The following RBFOX1 variants were observed in gnomAD, a reference collection of about 807,000 sequenced individuals.
RBFOX1 encodes RNA binding fox-1 homolog 1, also known as RNA binding protein fox-1 homolog 1.
Under a neutral mutation model 57.7 loss-of-function variants are expected in RBFOX1, and 8 were observed. The observed-to-expected ratio is 0.14, with a 90% CI of 0.08 to 0.25. RBFOX1 has a LOEUF of 0.25. RBFOX1 is among the 10% of genes least tolerant of loss of function. The probability of loss-of-function intolerance (pLI) is 1.00; values close to 1 mark genes in which losing one functional copy is unlikely to be tolerated. For synonymous variants in RBFOX1, 326 were observed against 222.4 expected, an observed-to-expected ratio of 1.47 and a Z score of -4.15; for missense variants, 611 against 548.5, an observed-to-expected ratio of 1.11 and a Z score of -1.14.
intron 3 of RBFOX1, among the ~76,000 whole-genome samples, chr16:6,758,083 A>G (rs1402474115): frequency 6.6e-6 from 1 of 152,184 alleles, no homozygotes; most frequent in Non-Finnish European, 1.5e-5. Flanking sequence ...AAGGATCAGG[A>G]CACAGAAAGT....
chr16:5,441,310 C>T (rs185386717), intron 1 of RBFOX1, among the ~76,000 whole-genome samples: 449 of 151,224 alleles, frequency 3.0e-3, no homozygotes, highest in Non-Finnish European at 5.3e-3. Context: ...AGTCTGTTCT[C>T]ATGCTGCTAA....
intron 2 of RBFOX1, among the ~76,000 whole-genome samples, chr16:6,651,008 T>TCCC (rs2098587752): frequency 1.3e-5 from 2 of 152,196 alleles, no homozygotes; most frequent in Admixed American, 6.5e-5. Context: ...GTTCAAGTGA[T>TCCC]TCTCTTGTCT....
intron 4 of RBFOX1, among the ~76,000 whole-genome samples, chr16:7,115,553 G>A (rs12928584): frequency 6.6e-6 from 1 of 152,216 alleles, no homozygotes; most frequent in East Asian, 1.9e-4. Context: ...CCTTCACTGA[G>A]CTCTCTCACC....
chr16:6,510,245 C>T (rs1014303301), intron 2 of RBFOX1, among the ~76,000 whole-genome samples: 10 of 152,130 alleles, frequency 6.6e-5, no homozygotes, highest in Admixed American at 2.0e-4. Context: ...ACAGCCACAC[C>T]GGAACCATTA....
chr16:6,729,628 A>G (rs1212526568), intron 3 of RBFOX1, among the ~76,000 whole-genome samples: 3 of 152,174 alleles, frequency 2.0e-5, no homozygotes, highest in Non-Finnish European at 4.4e-5. Context: ...GGCTGTGTGT[A>G]GAAAGTACCT....
intron 2 of RBFOX1, among the ~76,000 whole-genome samples, chr16:6,412,734 G>C (rs146242383): frequency 6.6e-6 from 1 of 152,170 alleles, no homozygotes; most frequent in Admixed American, 6.5e-5. Context: ...TAATGGACAT[G>C]TGAAGCACTT....
At chr16:5,371,372 G>A (rs1157716103) in intron 1 of RBFOX1, among the ~76,000 whole-genome samples, 2 of 152,164 alleles carry the variant, frequency 1.3e-5, no homozygotes, top group East Asian at 3.9e-4. Flanking sequence ...CAGGGATGCC[G>A]GAGAAGACCC....
At chr16:5,999,191 A>T (rs1021596139) in intron 4 of RBFOX1, among the ~76,000 whole-genome samples, 1 of 152,090 alleles carries the variant, frequency 6.6e-6, no homozygotes, top group Admixed American at 6.5e-5. Context: ...TCCTGCCAAC[A>T]CTGCCTTTCC....
chr16:6,771,599 T>C (rs1283249387), intron 3 of RBFOX1, among the ~76,000 whole-genome samples: 1 of 152,216 alleles, frequency 6.6e-6, no homozygotes, highest in African/African-American at 2.4e-5. Context: ...AGCTTTCTGA[T>C]GCCTAACTCA....
At chr16:7,126,970 C>G (rs1020987934) in intron 4 of RBFOX1, among the ~76,000 whole-genome samples, 7 of 148,222 alleles carry the variant, frequency 4.7e-5, no homozygotes, top group African/African-American at 1.0e-4. Flanking sequence ...GATCGCGCCA[C>G]TACACTGCAG....
intron 2 of RBFOX1, among the ~76,000 whole-genome samples, chr16:6,373,581 G>A (rs1368829888): frequency 6.6e-6 from 1 of 152,062 alleles, no homozygotes; most frequent in African/African-American, 2.4e-5. Flanking sequence ...TGGAGATTGG[G>A]TGGAAGTATA....
At chr16:6,493,110 A>G (rs1379673330) in intron 2 of RBFOX1, among the ~76,000 whole-genome samples, 1 of 152,216 alleles carries the variant, frequency 6.6e-6, no homozygotes, top group African/African-American at 2.4e-5. Flanking sequence ...ACCTGTGATC[A>G]CTTTACCCCT....
At chr16:7,115,300 G>T (rs2065646818) in intron 4 of RBFOX1, among the ~76,000 whole-genome samples, 2 of 152,100 alleles carry the variant, frequency 1.3e-5, no homozygotes, top group Non-Finnish European at 2.9e-5. Flanking sequence ...GATTACTTGT[G>T]TGCCAGCAAC....
At chr16:6,544,524 T>C (rs2096868527) in intron 2 of RBFOX1, among the ~76,000 whole-genome samples, 1 of 152,224 alleles carries the variant, frequency 6.6e-6, no homozygotes, top group Admixed American at 6.5e-5. Flanking sequence ...CTCTGATCTC[T>C]TCATTATTGA....
At chr16:5,870,733 G>T (rs2057449821) in intron 4 of RBFOX1, among the ~76,000 whole-genome samples, 1 of 151,236 alleles carries the variant, frequency 6.6e-6, no homozygotes, top group Admixed American at 6.6e-5. Context: ...AATTTCTAAT[G>T]GCAATTCATC....
At chr16:6,671,125 C>G (rs2098762157) in intron 3 of RBFOX1, among the ~76,000 whole-genome samples, 1 of 152,206 alleles carries the variant, frequency 6.6e-6, no homozygotes, top group African/African-American at 2.4e-5. Flanking sequence ...CAATCTTACT[C>G]ATTATTTCTT....
At chr16:6,968,895 A>C (rs1336365739) in intron 3 of RBFOX1, among the ~76,000 whole-genome samples, 1 of 151,592 alleles carries the variant, frequency 6.6e-6, no homozygotes, top group African/African-American at 2.4e-5. Flanking sequence ...GCTCTGTGTC[A>C]GGATTCACAT....
intron 3 of RBFOX1, among the ~76,000 whole-genome samples, chr16:6,716,326 C>T (rs2064814455): frequency 1.3e-5 from 2 of 152,198 alleles, no homozygotes; most frequent in Admixed American, 1.3e-4. Context: ...GGGTATTTTC[C>T]ATGACCTTCC....
chr16:7,358,123 C>G (rs917833486), intron 4 of RBFOX1, among the ~76,000 whole-genome samples: 5 of 152,198 alleles, frequency 3.3e-5, no homozygotes, highest in Non-Finnish European at 1.5e-5. Context: ...TACTGATTAA[C>G]TTTCATAACT....
Sources: gnomAD v4.1 joint callset for allele counts (sites outside exome capture counted in the v4.1 genomes callset) on GRCh38, gnomAD v4.1.1 for gene constraint, MANE v1.5 for transcripts, NCBI Gene and HGNC (gene_info 2026-07-23, HGNC 2026-07-21) for gene names.